Variants in SMC5 observed in about 807,000 individuals in gnomAD.
The protein encoded by SMC5 is structural maintenance of chromosomes 5, also known as structural maintenance of chromosomes protein 5.
Under a neutral mutation model 148.3 loss-of-function variants are expected in SMC5, and 88 were observed. The observed-to-expected ratio is 0.59, with a 90% CI of 0.50 to 0.71. The LOEUF is 0.71. Among genes scored for constraint, SMC5 ranks in the 30% least tolerant of loss-of-function variants. SMC5 has a pLI of 0.00. For synonymous variants in SMC5, 421 were observed against 432.8 expected (o/e 0.97, Z 0.34); for missense variants, 1,142 against 1,298.9 (o/e 0.88, Z 1.86).
Position 70,297,982 on chromosome 9 carries a change from A to G in SMC5, c.1070A>G (p.Gln357Arg), listed in dbSNP as rs1449386536. ...TTTTATTAGATTGAGGAACTTCAGC[A>G]GGCTTTAATAGTAAAGCAAAATGAA... ...RKDKHIEELQ[Q>R]ALIVKQNEEL... The change falls in exon 9 of 25, where the codon CAG becomes CGG. Residue 357 changes from glutamine to arginine, a missense_variant. Around this residue, in one of 5 missense-constraint regions of SMC5, gnomAD observed 743 missense variants for 835.7 expected, o/e 0.89. Coordinates refer to ENST00000361138, the MANE Select transcript of SMC5 (RefSeq NM_015110.4). 4 of 1,612,106 alleles carry G rather than the reference A, an allele frequency of 2.5e-6. No homozygotes were observed. In the Admixed American group the frequency reaches 6.7e-5, roughly 27 times the overall value.
chr9:70,262,312 T>G (rs2034160005), intron 1 of SMC5, among the ~76,000 whole-genome samples: 1 of 151,994 alleles, frequency 6.6e-6, no homozygotes, highest in African/African-American at 2.4e-5. Context: ...AAGGAGAGAA[T>G]AGGGAAAGGA....
At chr9:70,267,900 A>G (rs2034336414) in intron 2 of SMC5, 23 bp from the exon 3 acceptor site, 1 of 1,600,408 alleles carries the variant, frequency 6.2e-7, no homozygotes, top group South Asian at 1.1e-5. Flanking sequence ...TACACAGCTC[A>G]CTTTTTCTTT....
chr9:70,313,528 G>A (rs1210610227), intron 11 of SMC5, among the ~76,000 whole-genome samples: 5 of 151,544 alleles, frequency 3.3e-5, no homozygotes, highest in East Asian at 1.9e-4. Flanking sequence ...AGACAGTTTC[G>A]CTCTTGTCAC....
rs1460378726 is a variant in SMC5, at chr9:70,352,752, T to C, written c.*421T>C. 6.5e-6 allele frequency: 1 copy of C among 153,534 alleles called. No individual in the cohort carries two copies. The highest frequency in any genetic ancestry group is 1.4e-5 in the Non-Finnish European group (1 of 68,986). 9.5% of individuals were successfully genotyped at this position (153,534 alleles called of 1,614,324 possible). Reference sequence around the variant, plus strand: ...TAAGTCCTAGTTTCTCCCAATGTTATATTTAATTTTAAAAAATTGATATGA... The same window carrying C: ...TAAGTCCTAGTTTCTCCCAATGTTACATTTAATTTTAAAAAATTGATATGA... On this transcript the variant is annotated 3_prime_UTR_variant, in exon 25 of 25. Coordinates refer to ENST00000361138, the MANE Select transcript of SMC5 (RefSeq NM_015110.4).
At chr9:70,281,543 G>A (rs527340962) in intron 6 of SMC5, among the ~76,000 whole-genome samples, 90 of 152,218 alleles carry the variant, frequency 5.9e-4, no homozygotes, top group African/African-American at 1.9e-3. Context: ...ACTACAGTTC[G>A]GGTTAAAGAT....
chr9:70,347,449 A>AT (rs2036692813), intron 20 of SMC5, among the ~76,000 whole-genome samples, 164 bp from the exon 21 acceptor site: 1 of 152,250 alleles, frequency 6.6e-6, no homozygotes, highest in Non-Finnish European at 1.5e-5. Flanking sequence ...TTTTTCAAGG[A>AT]TAAAAAATGT....
chr9:70,341,157 C>T lies in SMC5; in HGVS notation c.2398-2987C>T, dbSNP rs2036512469. On this transcript the variant is annotated intron_variant, in intron 17 of 24. Transcript: ENST00000361138. ...TCAGCAAGAATTGTGGTTTTAAAAA[C>T]AAAAAGCAAAACAAGTGCCATGTGA... 2.0e-5 allele frequency among the ~76,000 whole-genome samples: 3 copies of T among 152,050 alleles called. No homozygotes were observed. In the South Asian group the frequency reaches 6.2e-4, roughly 31 times the overall value.
chr9:70,346,529 TA>T, intron 18 of SMC5, 75 bp from the exon 19 acceptor site: 1 of 1,407,156 alleles, frequency 7.1e-7, no homozygotes, highest in Non-Finnish European at 1.0e-6. Flanking sequence ...TAGTTCTTCA[TA>T]AGTGCAGTAT....
Position 70,318,903 on chromosome 9 carries a change from T to G in SMC5, c.2090T>G (p.Leu697Arg). The change falls in exon 15 of 25, where the codon CTT becomes CGT. Residue 697 changes from leucine to arginine, a missense_variant. Coordinates refer to ENST00000361138, the MANE Select transcript of SMC5 (RefSeq NM_015110.4). Reference protein sequence around the residue: ...DNELRQKKKELLERKTKKRQL... With the variant: ...DNELRQKKKERLERKTKKRQL... Reference sequence around the variant, plus strand: ...GAACTTAGACAAAAGAAGAAGGAGCTTCTTGAGAGAAAAACCAAGAAAAGA... The same window carrying G: ...GAACTTAGACAAAAGAAGAAGGAGCGTCTTGAGAGAAAAACCAAGAAAAGA... 1 of 1,611,230 alleles carries G rather than the reference T, an allele frequency of 6.2e-7. No individual in the cohort carries two copies. The highest frequency in any genetic ancestry group is 8.5e-7 in the Non-Finnish European group (1 of 1,178,952).
chr9:70,291,924 T>G (rs1275521297), intron 8 of SMC5, among the ~76,000 whole-genome samples: 1 of 152,094 alleles, frequency 6.6e-6, no homozygotes, highest in Non-Finnish European at 1.5e-5. Flanking sequence ...AGGTTTTCAC[T>G]ATGATTGTGG....
At chr9:70,272,530 T>C (rs1587623420) in intron 3 of SMC5, among the ~76,000 whole-genome samples, 2 of 151,944 alleles carry the variant, frequency 1.3e-5, no homozygotes, top group African/African-American at 2.4e-5. Flanking sequence ...CTGGGCAACA[T>C]AGCGAGACTC....
At chr9:70,276,127 CA>C (rs1395189801) in intron 3 of SMC5, among the ~76,000 whole-genome samples, 1 of 152,160 alleles carries the variant, frequency 6.6e-6, no homozygotes, top group East Asian at 1.9e-4. Context: ...TTCAGAATCA[CA>C]ATGTACAGAA....
At chr9:70,339,722 G>A (rs1195921843) in intron 17 of SMC5, among the ~76,000 whole-genome samples, 1 of 152,140 alleles carries the variant, frequency 6.6e-6, no homozygotes. Flanking sequence ...CACAAAAGAA[G>A]ATTGACACAA....
chr9:70,286,179 CT>C lies in SMC5; in HGVS notation c.982-20del. ...AGTTTTTAACTAGCTGTCCCCCCCT[CT>C]CCCCGGTTTAATTTTACAGGCAACA... is the stretch of plus-strand genomic sequence containing the variant. On this transcript the variant is annotated intron_variant, in intron 7 of 24. Transcript: ENST00000361138. 3.4e-5 allele frequency: 43 copies of C among 1,263,632 alleles called. No homozygotes were observed. Among genetic ancestry groups the C allele is most frequent in the Non-Finnish European group, 4.5e-5 (40 of 881,614 alleles). 78.3% of individuals were successfully genotyped at this position (1,263,632 alleles called of 1,614,324 possible).
intron 6 of SMC5, 46 bp from the exon 7 acceptor site, chr9:70,282,372 TGTTA>T (rs776072334): frequency 6.0e-6 from 9 of 1,511,796 alleles, no homozygotes; most frequent in African/African-American, 4.3e-5. Flanking sequence ...TTAGTATATG[TGTTA>T]GTTTAAGGTA....
chr9:70,306,837 G>A (rs1479831887), intron 11 of SMC5, among the ~76,000 whole-genome samples: 1 of 152,042 alleles, frequency 6.6e-6, no homozygotes, highest in Non-Finnish European at 1.5e-5. Flanking sequence ...GTGACTTTTT[G>A]TGTGTATATT....
intron 12 of SMC5, among the ~76,000 whole-genome samples, 163 bp from the exon 13 acceptor site, chr9:70,315,283 A>G (rs1165294908): frequency 7.0e-6 from 1 of 143,002 alleles, no homozygotes; most frequent in African/African-American, 2.6e-5. Context: ...TGGTAAGTGA[A>G]TAAGTCATAT....
intron 17 of SMC5, among the ~76,000 whole-genome samples, chr9:70,336,867 G>A (rs2036370745): frequency 1.3e-5 from 2 of 152,194 alleles, no homozygotes; most frequent in South Asian, 4.1e-4. Flanking sequence ...ACATACCCGA[G>A]ACTGGGCAGT....
At chr9:70,307,081 A>C (rs1564048372) in intron 11 of SMC5, among the ~76,000 whole-genome samples, 1 of 152,224 alleles carries the variant, frequency 6.6e-6, no homozygotes, top group Non-Finnish European at 1.5e-5. Context: ...AAAAGGAAAT[A>C]CATCATTACA....
Sources: allele counts gnomAD v4.1 joint callset (sites outside exome capture counted in the v4.1 genomes callset), GRCh38; gene constraint gnomAD v4.1.1; regional missense constraint gnomAD v4.1.1; transcripts MANE v1.5; gene names NCBI Gene and HGNC (gene_info 2026-07-23, HGNC 2026-07-21).